Variants in PTPRM observed in about 807,000 individuals in gnomAD.
PTPRM encodes the protein protein tyrosine phosphatase receptor type M, also known as receptor-type tyrosine-protein phosphatase mu.
A neutral mutation model predicts 186.7 loss-of-function variants in PTPRM; 47 were observed. The ratio of observed to expected loss-of-function variants is 0.25; its 90% CI spans 0.20 to 0.32. The LOEUF (loss-of-function observed/expected upper bound fraction) is 0.32, where lower values mean the gene tolerates loss of function less well. Ranked by LOEUF, PTPRM falls within the 10% of genes least tolerant of loss-of-function variation. The pLI is 1.00. For synonymous variants in PTPRM, 668 were observed against 674.9 expected (o/e 0.99, Z 0.16); for missense variants, 1,494 against 1,865.0 (o/e 0.80, Z 3.66).
At chr18:7,604,634 G>T (rs2037486392) in intron 1 of PTPRM, among the ~76,000 whole-genome samples, 1 of 152,212 alleles carries the variant, frequency 6.6e-6, no homozygotes, top group Non-Finnish European at 1.5e-5. Context: ...TCAGAAGGAG[G>T]ATGCAAACAG....
chr18:8,223,676 T>C (rs947376254), intron 14 of PTPRM, among the ~76,000 whole-genome samples: 5 of 152,190 alleles, frequency 3.3e-5, no homozygotes, highest in Non-Finnish European at 7.3e-5. Flanking sequence ...TCAGTTTTGC[T>C]GTCCTCTCCC....
chr18:8,299,913 AC>A (rs2095137850), intron 20 of PTPRM, among the ~76,000 whole-genome samples: 1 of 152,114 alleles, frequency 6.6e-6, no homozygotes, highest in Non-Finnish European at 1.5e-5. Context: ...CACAAGGGGA[AC>A]TTTTTCTTAC....
chr18:7,580,722 G>A (rs764550909), intron 1 of PTPRM, among the ~76,000 whole-genome samples: 1 of 152,114 alleles, frequency 6.6e-6, no homozygotes, highest in Admixed American at 6.5e-5. Flanking sequence ...AGGTAAAGTC[G>A]TCTCCACTCC....
intron 2 of PTPRM, among the ~76,000 whole-genome samples, chr18:7,777,012 T>C (rs879535237): frequency 1.3e-5 from 2 of 152,152 alleles, no homozygotes; most frequent in African/African-American, 4.8e-5. Flanking sequence ...TGTGTGCAAA[T>C]GATTTATTCC....
intron 1 of PTPRM, among the ~76,000 whole-genome samples, chr18:7,714,540 AG>A (rs796527678): frequency 1.3e-5 from 2 of 152,318 alleles, no homozygotes; most frequent in African/African-American, 4.8e-5. Flanking sequence ...AAGGAGACAG[AG>A]ACACGAAAAA....
At chr18:8,384,515 A>C (rs377348512) in intron 29 of PTPRM, 46 bp from the exon 30 acceptor site, 1 of 1,608,386 alleles carries the variant, frequency 6.2e-7, no homozygotes, top group African/African-American at 1.3e-5. Context: ...GTTAGGAGTA[A>C]ATTTCCTCTT....
At chr18:7,669,119 T>C (rs2039160710) in intron 1 of PTPRM, among the ~76,000 whole-genome samples, 1 of 152,070 alleles carries the variant, frequency 6.6e-6, no homozygotes, top group Non-Finnish European at 1.5e-5. Flanking sequence ...AGTGTGGGTT[T>C]CCAGTTATCC....
chr18:8,102,394 C>T (rs866924496), intron 11 of PTPRM, among the ~76,000 whole-genome samples: 4 of 152,196 alleles, frequency 2.6e-5, no homozygotes, highest in African/African-American at 4.8e-5. Context: ...AAATTGGAGT[C>T]AATCCTCTCA....
At position 7,567,789 on chromosome 18, in the gene PTPRM, C is replaced by T. The variant is rs1053233240; in HGVS notation, c.-30C>T. On this transcript the variant is annotated 5_prime_UTR_variant, in exon 1 of 33. Coordinates refer to ENST00000580170, the MANE Select transcript of PTPRM (RefSeq NM_001105244.2). The surrounding 1 kb of genome is among the most constrained non-coding windows in gnomAD (Gnocchi z 4.3). ...CCCTCGCGCGCCCACCCACCGCCGC[C>T]GGGGAGCGGCCCGGCCCGCACTCAG... 1 of 1,512,768 alleles carries T rather than the reference C, an allele frequency of 6.6e-7. No individual in the cohort carries two copies. Among genetic ancestry groups the T allele is most frequent in the Non-Finnish European group, 8.8e-7 (1 of 1,137,502 alleles). 93.7% of individuals were successfully genotyped at this position (1,512,768 alleles called of 1,614,324 possible). A position where few individuals can be genotyped will look rare whatever the true frequency, so the allele number is the denominator to read the frequency against.
chr18:7,881,564 C>T (rs536379069), intron 2 of PTPRM, among the ~76,000 whole-genome samples: 1 of 152,324 alleles, frequency 6.6e-6, no homozygotes, highest in South Asian at 2.1e-4. Flanking sequence ...CCCCTTGGCC[C>T]TATCCGATGC....
chr18:8,283,694 C>T (rs1392720969), intron 19 of PTPRM, among the ~76,000 whole-genome samples: 2 of 152,148 alleles, frequency 1.3e-5, no homozygotes, highest in Non-Finnish European at 2.9e-5. Context: ...AATCGTAACT[C>T]ACTGTAGCCT....
chr18:8,051,301 G>C (rs910524799), intron 7 of PTPRM, among the ~76,000 whole-genome samples: 1 of 152,154 alleles, frequency 6.6e-6, no homozygotes, highest in East Asian at 1.9e-4. Context: ...GTTTTCTGAA[G>C]TTATGTAATA....
At chr18:8,219,184 CTGGCCAAGCCCGG>C (rs2094124719) in intron 14 of PTPRM, among the ~76,000 whole-genome samples, 1 of 152,186 alleles carries the variant, frequency 6.6e-6, no homozygotes, top group South Asian at 2.1e-4. Flanking sequence ...GAGGCTTATT[CTGGCCAAGCCCGG>C]TGGCTTACGC....
At chr18:8,190,198 T>G (rs766165252) in intron 14 of PTPRM, among the ~76,000 whole-genome samples, 1 of 152,224 alleles carries the variant, frequency 6.6e-6, no homozygotes, top group African/African-American at 2.4e-5. Context: ...GTCACCATGA[T>G]GTACAGTAAA....
chr18:7,953,986 A>G (rs2053147940), intron 6 of PTPRM, among the ~76,000 whole-genome samples: 1 of 152,232 alleles, frequency 6.6e-6, no homozygotes, highest in African/African-American at 2.4e-5. Context: ...ACAGTCTTGA[A>G]AAAAATCACT....
At chr18:8,048,376 C>T (rs1030562625) in intron 7 of PTPRM, among the ~76,000 whole-genome samples, 2 of 151,436 alleles carry the variant, frequency 1.3e-5, no homozygotes, top group Non-Finnish European at 2.9e-5. Flanking sequence ...ATAAAAGTGG[C>T]GGGTTCATTT....
At chr18:7,859,900 T>C (rs936961717) in intron 2 of PTPRM, among the ~76,000 whole-genome samples, 59 of 152,048 alleles carry the variant, frequency 3.9e-4, no homozygotes, top group African/African-American at 1.3e-3. Flanking sequence ...TCACAACCAT[T>C]TACATGGAAG....
At chr18:8,237,530 C>T (rs1354362063) in intron 14 of PTPRM, among the ~76,000 whole-genome samples, 1 of 146,658 alleles carries the variant, frequency 6.8e-6, no homozygotes, top group African/African-American at 2.5e-5. Context: ...CTCACTGCAA[C>T]CTCAACCTCC....
At chr18:8,041,766 A>G (rs1397232218) in intron 7 of PTPRM, among the ~76,000 whole-genome samples, 1 of 152,224 alleles carries the variant, frequency 6.6e-6, no homozygotes, top group Non-Finnish European at 1.5e-5. Context: ...CACTGCCACA[A>G]GGGTGAAGTG....
Sources: gnomAD v4.1 joint callset for allele counts (sites outside exome capture counted in the v4.1 genomes callset) on GRCh38, gnomAD v4.1.1 for gene constraint, Gnocchi (gnomAD v3.1) non-coding constraint, MANE v1.5 for transcripts, NCBI Gene and HGNC (gene_info 2026-07-23, HGNC 2026-07-21) for gene names.